MALRD1: variants seen among roughly 807,000 people sequenced by gnomAD.
MALRD1 encodes the protein MAM and LDL receptor class A domain containing 1.
In MALRD1, 247 loss-of-function variants were observed where a neutral mutation model predicts 242.1. The observed-to-expected ratio is 1.02, with a 90% CI of 0.92 to 1.13. The LOEUF is 1.13. Among genes scored for constraint, MALRD1 ranks in the 50% most tolerant of loss-of-function variants. MALRD1 has a pLI of 0.00. For missense variants in MALRD1, 2,989 were observed against 2,533.1 expected (o/e 1.18, Z -3.86); for synonymous variants, 995 against 866.6 (o/e 1.15, Z -2.60).
chr10:19,474,549 C>T (rs1332299764), intron 29 of MALRD1, among the ~76,000 whole-genome samples: 2 of 152,086 alleles, frequency 1.3e-5, no homozygotes, highest in Non-Finnish European at 2.9e-5. Context: ...TTTTCATTCA[C>T]CAACTAATGT....
intron 25 of MALRD1, among the ~76,000 whole-genome samples, chr10:19,349,458 C>G (rs1844275992): frequency 6.6e-6 from 1 of 152,180 alleles, no homozygotes; most frequent in African/African-American, 2.4e-5. Context: ...TTTCATCTAT[C>G]ACATAGACAG....
At chr10:19,666,132 T>G (rs1027111943) in intron 36 of MALRD1, among the ~76,000 whole-genome samples, 7 of 152,306 alleles carry the variant, frequency 4.6e-5, no homozygotes, top group African/African-American at 1.7e-4. Flanking sequence ...CCCTGTTTGC[T>G]ACTCCTCATA....
intron 14 of MALRD1, among the ~76,000 whole-genome samples, chr10:19,191,762 C>T (rs1835985586): frequency 6.6e-6 from 1 of 152,080 alleles, no homozygotes; most frequent in Admixed American, 6.6e-5. Context: ...CTTTGGGAGG[C>T]TGAGGTAGGT....
chr10:19,669,306 A>C (rs142914097), intron 36 of MALRD1, among the ~76,000 whole-genome samples: 1 of 152,232 alleles, frequency 6.6e-6, no homozygotes, highest in Non-Finnish European at 1.5e-5. Context: ...GACTATGAAC[A>C]TAGTATTTGA....
At chr10:19,454,382 G>A (rs1441209199) in intron 29 of MALRD1, among the ~76,000 whole-genome samples, 3 of 111,232 alleles carry the variant, frequency 2.7e-5, no homozygotes, top group African/African-American at 1.1e-4. Context: ...GAGTAGAAAT[G>A]AGGAAAGGTA....
At chr10:19,409,002 A>G (rs1436031181) in intron 28 of MALRD1, among the ~76,000 whole-genome samples, 1 of 152,248 alleles carries the variant, frequency 6.6e-6, no homozygotes, top group East Asian at 1.9e-4. Flanking sequence ...ACAGATGTTT[A>G]TAACAGCATT....
intron 19 of MALRD1, among the ~76,000 whole-genome samples, chr10:19,276,826 T>A (rs1430514649): frequency 2.6e-5 from 4 of 152,152 alleles, no homozygotes; most frequent in Non-Finnish European, 4.4e-5. Flanking sequence ...ATCTCCTTTT[T>A]TTTTGTGGTG....
At chr10:19,156,166 A>G (rs1480140119) in intron 12 of MALRD1, among the ~76,000 whole-genome samples, 1 of 152,226 alleles carries the variant, frequency 6.6e-6, no homozygotes, top group East Asian at 1.9e-4. Flanking sequence ...GATAAATGAC[A>G]TATTATTCCG....
At chr10:19,095,499 A>T (rs766795028) in intron 4 of MALRD1, among the ~76,000 whole-genome samples, 1 of 152,192 alleles carries the variant, frequency 6.6e-6, no homozygotes, top group Non-Finnish European at 1.5e-5. Flanking sequence ...TTAAGCCATC[A>T]GGCACTTAAG....
At chr10:19,239,930 G>C (rs1367555227) in intron 18 of MALRD1, among the ~76,000 whole-genome samples, 8 of 152,136 alleles carry the variant, frequency 5.3e-5, no homozygotes, top group African/African-American at 1.7e-4. Context: ...GTCAGGTAGT[G>C]TGGTGCCTCC....
chr10:19,453,375 G>T (rs1180345135), intron 29 of MALRD1, among the ~76,000 whole-genome samples: 1 of 152,116 alleles, frequency 6.6e-6, no homozygotes, highest in African/African-American at 2.4e-5. Flanking sequence ...GGGGAGAGGG[G>T]AATGGCTGCT....
chr10:19,229,469 G>A (rs1837955785), intron 18 of MALRD1, among the ~76,000 whole-genome samples: 2 of 152,182 alleles, frequency 1.3e-5, no homozygotes, highest in South Asian at 2.1e-4. Context: ...AGCCTCTCTG[G>A]GTGTGGCATG....
intron 36 of MALRD1, among the ~76,000 whole-genome samples, chr10:19,647,690 A>G (rs1289683900): frequency 6.6e-6 from 1 of 152,184 alleles, no homozygotes; most frequent in Non-Finnish European, 1.5e-5. Context: ...TGGGATATTG[A>G]CATCTTATGT....
intron 32 of MALRD1, among the ~76,000 whole-genome samples, chr10:19,535,790 A>G (rs1211761714): frequency 1.3e-5 from 2 of 152,296 alleles, no homozygotes; most frequent in South Asian, 4.1e-4. Context: ...GTTGAGAGAC[A>G]CTGCCCCAGA....
intron 26 of MALRD1, among the ~76,000 whole-genome samples, chr10:19,376,417 G>T (rs541980679): frequency 6.6e-6 from 1 of 152,154 alleles, no homozygotes; most frequent in East Asian, 1.9e-4. Flanking sequence ...AGACAGGAGG[G>T]GGAGGTCTCC....
intron 36 of MALRD1, among the ~76,000 whole-genome samples, chr10:19,670,769 G>C (rs1316288969): frequency 6.6e-6 from 1 of 152,060 alleles, no homozygotes; most frequent in Non-Finnish European, 1.5e-5. Context: ...ACTTCGTGAA[G>C]TCAGGGAGTT....
intron 35 of MALRD1, among the ~76,000 whole-genome samples, chr10:19,613,786 A>G (rs1401678122): frequency 6.6e-6 from 1 of 152,056 alleles, no homozygotes; most frequent in Non-Finnish European, 1.5e-5. Context: ...ATTATGAGCA[A>G]TTCAACCAGT....
chr10:19,712,985 C>T (rs1834209014), intron 38 of MALRD1, among the ~76,000 whole-genome samples: 1 of 151,924 alleles, frequency 6.6e-6, no homozygotes, highest in East Asian at 1.9e-4. Flanking sequence ...GTTTCCAATC[C>T]ATTATACTCC....
chr10:19,278,110 C>T (rs1039713698), intron 19 of MALRD1, among the ~76,000 whole-genome samples: 3 of 152,080 alleles, frequency 2.0e-5, no homozygotes, highest in African/African-American at 7.2e-5. Flanking sequence ...TGTCTGCTCT[C>T]CAGTTCCATA....
Sources: allele counts gnomAD v4.1 joint callset (sites outside exome capture counted in the v4.1 genomes callset), GRCh38; gene constraint gnomAD v4.1.1; transcripts MANE v1.5; gene names NCBI Gene and HGNC (gene_info 2026-07-23, HGNC 2026-07-21).